RGL1: variants seen among roughly 807,000 people sequenced by gnomAD.
RGL1 encodes the protein ral guanine nucleotide dissociation stimulator-like 1.
A neutral mutation model predicts 95.2 loss-of-function variants in RGL1; 24 were observed. The ratio of observed to expected loss-of-function variants is 0.25; its 90% CI spans 0.18 to 0.35. RGL1 has a LOEUF of 0.35. Among genes scored for constraint, RGL1 ranks in the 10% least tolerant of loss-of-function variants. The probability of loss-of-function intolerance (pLI) is 1.00; values close to 1 mark genes in which losing one functional copy is unlikely to be tolerated. For synonymous variants in RGL1, 329 were observed against 344.9 expected, an observed-to-expected ratio of 0.95 and a Z score of 0.51; for missense variants, 715 against 936.3, an observed-to-expected ratio of 0.76 and a Z score of 3.08.
intron 1 of RGL1, among the ~76,000 whole-genome samples, chr1:183,708,494 C>T (rs1484034650): frequency 4.6e-5 from 7 of 152,148 alleles, no homozygotes; most frequent in African/African-American, 1.7e-4. Context: ...TCCTCTCTTC[C>T]ACCCTCACCC....
intron 1 of RGL1, among the ~76,000 whole-genome samples, chr1:183,692,588 C>T (rs1201607248): frequency 2.0e-5 from 3 of 152,158 alleles, no homozygotes; most frequent in South Asian, 2.1e-4. Context: ...TTTATAGTTT[C>T]GTGCTTATTA....
chr1:183,691,321 A>G (rs1287501729), intron 1 of RGL1, among the ~76,000 whole-genome samples: 2 of 152,226 alleles, frequency 1.3e-5, no homozygotes, highest in East Asian at 1.9e-4. Flanking sequence ...ACATACTAAT[A>G]TATCAGAGAT....
intron 10 of RGL1, among the ~76,000 whole-genome samples, chr1:183,898,576 G>GT (rs1368886527): frequency 6.6e-6 from 1 of 152,166 alleles, no homozygotes; most frequent in South Asian, 2.1e-4. Flanking sequence ...CTTTAAGAGG[G>GT]TTTTCTCTTT....
intron 2 of RGL1, among the ~76,000 whole-genome samples, chr1:183,833,477 C>A (rs1166536676): frequency 6.6e-6 from 1 of 152,188 alleles, no homozygotes; most frequent in African/African-American, 2.4e-5. Context: ...ATCTCTGGGG[C>A]ATGGGCTCAG....
At chr1:183,787,032 T>A (rs1353503678) in intron 2 of RGL1, among the ~76,000 whole-genome samples, 3 of 152,222 alleles carry the variant, frequency 2.0e-5, no homozygotes, top group Admixed American at 2.0e-4. Flanking sequence ...TCAAATAATG[T>A]AAATCTCAAA....
At chr1:183,839,466 T>A (rs1047178182) in intron 2 of RGL1, among the ~76,000 whole-genome samples, 1 of 152,220 alleles carries the variant, frequency 6.6e-6, no homozygotes, top group African/African-American at 2.4e-5. Flanking sequence ...ATCTTCTTTT[T>A]GATTATTTGA....
chr1:183,743,749 A>G (rs1657455083), intron 2 of RGL1, among the ~76,000 whole-genome samples: 1 of 150,070 alleles, frequency 6.7e-6, no homozygotes, highest in South Asian at 2.2e-4. Flanking sequence ...ATGCTGAGAA[A>G]GTTGATTCCT....
chr1:183,889,708 A>T (rs1370584933), intron 8 of RGL1, among the ~76,000 whole-genome samples: 1 of 152,150 alleles, frequency 6.6e-6, no homozygotes, highest in East Asian at 1.9e-4. Context: ...TTATTAGGTG[A>T]TTCTTTGATG....
intron 1 of RGL1, among the ~76,000 whole-genome samples, chr1:183,643,477 G>A (rs944353296): frequency 6.6e-6 from 1 of 151,982 alleles, no homozygotes; most frequent in African/African-American, 2.4e-5. Context: ...ATTTTTAGTA[G>A]AGAAGGGGTT....
chr1:183,897,851 A>G lies in RGL1; in HGVS notation c.1184A>G (p.Glu395Gly). The change falls in exon 10 of 18, where the codon GAA becomes GGA. Residue 395 changes from glutamate to glycine, a missense_variant. By Grantham distance (98) the Glu-to-Gly change is moderately conservative. Coordinates refer to ENST00000360851, the MANE Select transcript of RGL1 (RefSeq NM_001297671.3). ...GCAAACCTGGACAGCAGTGTGAAAG[A>G]AAACCAGAAGCGTACCCAGAGGCGG... ...KFANLDSSVK[E>G]NQKRTQRRLQ... is the part of the protein sequence containing the mutation. 6.2e-7 allele frequency: 1 copy of G among 1,614,126 alleles called. No individual in the cohort carries two copies. The highest frequency in any genetic ancestry group is 8.5e-7 in the Non-Finnish European group (1 of 1,179,964).
At chr1:183,768,457 A>G (rs1160936711) in intron 2 of RGL1, among the ~76,000 whole-genome samples, 1 of 139,606 alleles carries the variant, frequency 7.2e-6, no homozygotes, top group African/African-American at 2.6e-5. Context: ...TAACCTTTAG[A>G]TAACTTTTTT....
intron 3 of RGL1, 99 bp from the exon 4 acceptor site, chr1:183,865,897 C>A: frequency 1.2e-6 from 1 of 802,996 alleles, no homozygotes; most frequent in Non-Finnish European, 2.2e-6. Flanking sequence ...TTAATTACTT[C>A]TGAAAAGTAT....
intron 2 of RGL1, among the ~76,000 whole-genome samples, chr1:183,783,851 G>A (rs1558205017): frequency 6.6e-6 from 1 of 152,158 alleles, no homozygotes; most frequent in East Asian, 1.9e-4. Flanking sequence ...TATTGTGAAT[G>A]CCTAAGTTAA....
intron 8 of RGL1, among the ~76,000 whole-genome samples, chr1:183,889,805 G>A (rs770194193): frequency 2.6e-5 from 4 of 152,156 alleles, no homozygotes; most frequent in East Asian, 1.9e-4. Flanking sequence ...TCCAAAGCTC[G>A]TGCTTTGTTT....
At chr1:183,767,500 G>C (rs1659041041) in intron 2 of RGL1, among the ~76,000 whole-genome samples, 4 of 152,092 alleles carry the variant, frequency 2.6e-5, no homozygotes, top group Admixed American at 2.6e-4. Flanking sequence ...TATACATTTT[G>C]TGCAATTAAG....
rs763746482 is a variant in RGL1, at chr1:183,922,180, G to A, written c.2005-42G>A. 18 of 1,532,196 alleles carry A rather than the reference G, an allele frequency of 1.2e-5. No homozygotes were observed. In the East Asian group the frequency reaches 1.6e-4, roughly 13 times the overall value. 94.9% of individuals were successfully genotyped at this position (1,532,196 alleles called of 1,614,324 possible). Reference sequence around the variant, plus strand: ...GGTCAGGAGAACTCCCTCAGGAAACGTGAAGCTAAGTACTTTACAAACCTG... The same window carrying A: ...GGTCAGGAGAACTCCCTCAGGAAACATGAAGCTAAGTACTTTACAAACCTG... On this transcript the variant is annotated intron_variant, in intron 16 of 17. Coordinates refer to ENST00000360851, the MANE Select transcript of RGL1 (RefSeq NM_001297671.3).
chr1:183,744,896 T>C (rs780899288), intron 2 of RGL1, among the ~76,000 whole-genome samples: 15 of 152,220 alleles, frequency 9.9e-5, no homozygotes, highest in African/African-American at 2.9e-4. Context: ...CATAGACACC[T>C]GGAAGTGGCA....
intron 4 of RGL1, among the ~76,000 whole-genome samples, chr1:183,870,801 G>T (rs1189270857): frequency 6.6e-6 from 1 of 152,168 alleles, no homozygotes; most frequent in Non-Finnish European, 1.5e-5. Flanking sequence ...ATAGGAGCAG[G>T]CCTATTTGGA....
At chr1:183,748,653 G>T (rs368360266) in intron 2 of RGL1, among the ~76,000 whole-genome samples, 82 of 152,128 alleles carry the variant, frequency 5.4e-4, no homozygotes, top group African/African-American at 1.9e-3. Context: ...TGATCTGCCT[G>T]CCTCGGCCTG....
Sources: allele counts gnomAD v4.1 joint callset (sites outside exome capture counted in the v4.1 genomes callset), GRCh38; gene constraint gnomAD v4.1.1; transcripts MANE v1.5; gene names NCBI Gene and HGNC (gene_info 2026-07-23, HGNC 2026-07-21).